The following PCDHA1 variants were observed in gnomAD, a reference collection of about 807,000 sequenced individuals.
The protein encoded by PCDHA1 is protocadherin alpha 1.
A neutral mutation model predicts 61.3 loss-of-function variants in PCDHA1; 42 were observed. That is an observed-to-expected ratio of 0.69 (90% CI 0.54 to 0.89). The LOEUF is 0.89. PCDHA1 is among the 40% of genes least tolerant of loss of function. The pLI is 0.00. For synonymous variants in PCDHA1, 610 were observed against 553.8 expected (o/e 1.10, Z -1.43); for missense variants, 1,256 against 1,235.3 (o/e 1.02, Z -0.25).
intron 1 of PCDHA1, among the ~76,000 whole-genome samples, chr5:140,903,229 T>G (rs2153479721): frequency 6.6e-6 from 1 of 152,340 alleles, no homozygotes; most frequent in Non-Finnish European, 1.5e-5. Context: ...CATCTATTAC[T>G]TTTTGATTTT....
intron 1 of PCDHA1, chr5:140,882,580 C>T (rs371338305): frequency 1.2e-6 from 2 of 1,614,126 alleles, no homozygotes; most frequent in African/African-American, 2.7e-5. Context: ...AGTGCAGCAT[C>T]CACCTGGAGG....
intron 1 of PCDHA1, among the ~76,000 whole-genome samples, chr5:140,919,978 A>C (rs993704497): frequency 7.5e-6 from 1 of 134,032 alleles, no homozygotes; most frequent in Non-Finnish European, 1.7e-5. Flanking sequence ...AAGAGATAGA[A>C]GATGGAAAAC....
intron 1 of PCDHA1, among the ~76,000 whole-genome samples, chr5:140,806,651 T>C (rs979238078): frequency 6.6e-6 from 1 of 152,026 alleles, no homozygotes; most frequent in Non-Finnish European, 1.5e-5. Context: ...AAGAGGGTGT[T>C]ATCATTAATA....
rs144556236 is a variant in PCDHA1, at chr5:140,796,467, G to C, written c.2394+7783G>C. 6.8e-6 allele frequency: 11 copies of C among 1,612,242 alleles called. No homozygotes were observed. In the South Asian group the frequency reaches 9.9e-5, roughly 14 times the overall value. On this transcript the variant is annotated intron_variant, in intron 1 of 3. Transcript: ENST00000504120. ...CGCTGGTGGAGCGGCGGGTGGGCGA[G>C]CGCGCGTTGTCGAGCTACGTTTCGG... is the stretch of plus-strand genomic sequence containing the variant.
At chr5:140,804,834 T>G (rs1023303895) in intron 1 of PCDHA1, 1 of 416,050 alleles carries the variant, frequency 2.4e-6, no homozygotes, top group East Asian at 4.0e-5. Context: ...TAATACTCAT[T>G]GACAGTGTGG....
At position 141,010,458 on chromosome 5, in the gene PCDHA1, T is replaced by C. The variant is rs2098417373; in HGVS notation, c.*521T>C. The C allele has an allele frequency of 1.1e-6, 1 of 871,194 alleles. No individual in the cohort carries two copies. The highest frequency in any genetic ancestry group is 1.7e-6 in the Non-Finnish European group (1 of 592,130). 54.0% of individuals were successfully genotyped at this position (871,194 alleles called of 1,614,324 possible). On this transcript the variant is annotated 3_prime_UTR_variant, in exon 4 of 4. Coordinates refer to ENST00000504120, the MANE Select transcript of PCDHA1 (RefSeq NM_018900.4). ...AAAGACAAATAAACAGCGGAAGTTA[T>C]CAGTATGGAGGGGAAGTGTAAACTT...
chr5:140,807,289 G>A, intron 1 of PCDHA1: 1 of 1,614,180 alleles, frequency 6.2e-7, no homozygotes, highest in African/African-American at 1.3e-5. Flanking sequence ...TCCACTACTC[G>A]GTCTCCGAGG....
At position 141,011,003 on chromosome 5, in the gene PCDHA1, C is replaced by G. The variant is rs748731648; in HGVS notation, c.*1066C>G. 2.0e-5 allele frequency: 3 copies of G among 153,824 alleles called. No homozygotes were observed. In the South Asian group the frequency reaches 6.2e-4, roughly 32 times the overall value. 9.5% of individuals were successfully genotyped at this position (153,824 alleles called of 1,614,324 possible). On this transcript the variant is annotated 3_prime_UTR_variant, in exon 4 of 4. Coordinates refer to ENST00000504120, the MANE Select transcript of PCDHA1 (RefSeq NM_018900.4). ...ATTGCCTGAAACATCTGTATTATAT[C>G]GGCCACCTGCCAATCACAGCTTTAC...
chr5:140,973,073 C>T (rs1372527958), intron 1 of PCDHA1, among the ~76,000 whole-genome samples: 1 of 151,988 alleles, frequency 6.6e-6, no homozygotes, highest in Non-Finnish European at 1.5e-5. Context: ...TCTCAGTGGG[C>T]CCAGCTGGCA....
intron 1 of PCDHA1, chr5:140,841,595 C>A (rs2150318765): frequency 1.9e-6 from 3 of 1,614,058 alleles, no homozygotes; most frequent in Non-Finnish European, 2.5e-6. Flanking sequence ...TCGGATCGAC[C>A]GCGAGGAGCT....
At chr5:140,797,050 G>A (rs1554120266) in intron 1 of PCDHA1, 1 of 1,613,772 alleles carries the variant, frequency 6.2e-7, no homozygotes, top group Admixed American at 1.7e-5. Context: ...GCTGGTGGAT[G>A]TCAACGTGTA....
chr5:140,898,246 A>G (rs377438166), intron 1 of PCDHA1, among the ~76,000 whole-genome samples: 49 of 152,286 alleles, frequency 3.2e-4, no homozygotes, highest in African/African-American at 1.1e-3. Context: ...TTGGTGTTTT[A>G]GACATGAAGT....
At chr5:140,927,511 G>A (rs1563093224) in intron 1 of PCDHA1, 1 of 1,614,120 alleles carries the variant, frequency 6.2e-7, no homozygotes, top group Non-Finnish European at 8.5e-7. Context: ...TACAGCTCGG[G>A]ACGGCGGGCT....
intron 3 of PCDHA1, among the ~76,000 whole-genome samples, chr5:141,000,194 G>A (rs2097896080): frequency 6.6e-6 from 1 of 151,746 alleles, no homozygotes; most frequent in South Asian, 2.1e-4. Context: ...TGTGAGAATA[G>A]TTTTTCACCT....
At chr5:140,814,460 T>C in intron 1 of PCDHA1, 1 of 152,138 alleles carries the variant, frequency 6.6e-6, no homozygotes, top group East Asian at 1.9e-4. Flanking sequence ...TTTTTTTTTT[T>C]TGAGTTAATG....
At chr5:140,866,092 G>C (rs1167702930) in intron 1 of PCDHA1, 1 of 152,100 alleles carries the variant, frequency 6.6e-6, no homozygotes, top group Non-Finnish European at 1.5e-5. Context: ...TTATGTAATT[G>C]TTAAGTAATT....
intron 1 of PCDHA1, chr5:140,966,679 G>C (rs1554228549): frequency 8.3e-6 from 11 of 1,317,564 alleles, no homozygotes; most frequent in East Asian, 3.0e-5. Context: ...AGGGTGGCAC[G>C]AGCGGAGGCG....
rs781816773 is a variant in PCDHA1, at chr5:140,788,104, C to T, written c.1814C>T (p.Ala605Val). ...GTGGACGCCGACTCGGGCTACAACG[C>T]GTGGCTGTCCTATGAACTGCAGCCG... ...RAVDADSGYN[A>V]WLSYELQPAA... Residue 605 changes from alanine to valine, a missense_variant, in exon 1 of 4, where the codon GCG becomes GTG. By Grantham distance (64) the Ala-to-Val change is moderately conservative (BLOSUM62 0). Coordinates refer to ENST00000504120, the MANE Select transcript of PCDHA1 (RefSeq NM_018900.4). The T allele has an allele frequency of 2.5e-6, 4 of 1,613,862 alleles. No homozygotes were observed. The South Asian group carries it at 3.3e-5, about 13-fold the overall frequency.
chr5:140,811,332 A>G (rs1401221708), intron 1 of PCDHA1: 2 of 152,262 alleles, frequency 1.3e-5, no homozygotes, highest in East Asian at 3.8e-4. Flanking sequence ...TACAAAGGAC[A>G]TGAACTCACC....
Sources: allele counts gnomAD v4.1 joint callset (sites outside exome capture counted in the v4.1 genomes callset), GRCh38; gene constraint gnomAD v4.1.1; transcripts MANE v1.5; gene names NCBI Gene and HGNC (gene_info 2026-07-23, HGNC 2026-07-21).